SBNO2: variants seen among roughly 807,000 people sequenced by gnomAD.
SBNO2 encodes strawberry notch homolog 2, also known as protein strawberry notch homolog 2.
In SBNO2, 89 loss-of-function variants were observed where a neutral mutation model predicts 146.3. That is an observed-to-expected ratio of 0.61 (90% confidence interval 0.51 to 0.73). The LOEUF (loss-of-function observed/expected upper bound fraction) is 0.73, where lower values mean the gene tolerates loss of function less well. SBNO2 is among the 30% of genes least tolerant of loss of function. The pLI is 0.00. For synonymous variants in SBNO2, 1,147 were observed against 892.6 expected (o/e 1.29, Z -5.08); for missense variants, 2,092 against 2,003.7 (o/e 1.04, Z -0.84).
chr19:1,111,458 T>C, intron 24 of SBNO2, 48 bp downstream of exon 24: 1 of 1,331,720 alleles, frequency 7.5e-7, no homozygotes, highest in Non-Finnish European at 1.1e-6. Flanking sequence ...AGCCCAGTGC[T>C]CTGCAACCCC....
chr19:1,123,749 G>T, intron 6 of SBNO2, 110 bp from the exon 7 acceptor site: 1 of 1,194,136 alleles, frequency 8.4e-7, no homozygotes, highest in Non-Finnish European at 1.2e-6. Flanking sequence ...AGTGACCCAG[G>T]GGTGGGAGAC....
chr19:1,118,107 G>A (rs1050165493), intron 14 of SBNO2, among the ~76,000 whole-genome samples: 17 of 152,252 alleles, frequency 1.1e-4, no homozygotes, highest in South Asian at 6.2e-4. Context: ...AGGCTGAGGC[G>A]GTCAGATCGC....
chr19:1,171,371 T>C (rs866255950), intron 1 of SBNO2, among the ~76,000 whole-genome samples: 8 of 151,960 alleles, frequency 5.3e-5, no homozygotes, highest in Admixed American at 3.3e-4. Context: ...AACACACATG[T>C]GCATGCACAT....
intron 1 of SBNO2, among the ~76,000 whole-genome samples, chr19:1,160,622 T>G (rs1438594483): frequency 1.3e-5 from 2 of 152,120 alleles, no homozygotes; most frequent in Non-Finnish European, 2.9e-5. Context: ...CTTCGCCTCC[T>G]GGGTTCCAGT....
intron 1 of SBNO2, among the ~76,000 whole-genome samples, chr19:1,163,823 C>G (rs529279635): frequency 6.6e-6 from 1 of 152,168 alleles, no homozygotes; most frequent in African/African-American, 2.4e-5. Context: ...GGGCAGGAGC[C>G]GGGGTCCAGG....
chr19:1,122,756 C>T lies in SBNO2; in HGVS notation c.816G>A (p.Ala272=), dbSNP rs960813641. 1.8e-5 allele frequency: 28 copies of T among 1,537,510 alleles called. No individual in the cohort carries two copies. Among genetic ancestry groups the T allele is most frequent in the African/African-American group, 1.1e-4 (8 of 73,126 alleles). The change falls in exon 9 of 32, where the codon GCG becomes GCA. Residue 272 remains alanine (A), a synonymous_variant. Transcript: ENST00000361757. ...CGGCCCCATCGCCGATGAGAAAGCC[C>T]GCGCGCTGCCCGCTGGGGAGCAGGA... ...HEVLLPSGQR[A]GFLIGDGAGV...
rs2079793311 is a variant in SBNO2, at chr19:1,113,517, C to T, written c.2247+18G>A. ...CCATGCCCCGCCCACCACACTCCAGCTGCCACGTCCCACCCACCTCCGCCA... is the reference window on the plus strand; with the variant it reads ...CCATGCCCCGCCCACCACACTCCAGTTGCCACGTCCCACCCACCTCCGCCA... On this transcript the variant is annotated intron_variant, in intron 19 of 31. Coordinates refer to ENST00000361757, the MANE Select transcript of SBNO2 (RefSeq NM_014963.3). 1 of 1,583,116 alleles carries T rather than the reference C, an allele frequency of 6.3e-7. No individual in the cohort carries two copies. The highest frequency in any genetic ancestry group is 1.1e-5 in the South Asian group (1 of 88,494).
At chr19:1,162,289 C>A (rs1290594354) in intron 1 of SBNO2, among the ~76,000 whole-genome samples, 3 of 51,828 alleles carry the variant, frequency 5.8e-5, no homozygotes, top group Non-Finnish European at 1.2e-4. Flanking sequence ...GAAACCCCGT[C>A]TCTACTAAAA....
At position 1,112,560 on chromosome 19, in the gene SBNO2, G is replaced by A. The variant is rs752653123; in HGVS notation, c.2380-23C>T. The A allele has an allele frequency of 3.2e-6, 5 of 1,582,006 alleles. No individual in the cohort carries two copies. The South Asian group carries it at 3.4e-5, about 11-fold the overall frequency. On this transcript the variant is annotated intron_variant, in intron 20 of 31. Coordinates refer to ENST00000361757, the MANE Select transcript of SBNO2 (RefSeq NM_014963.3). This position sits in a 1 kb window ranked among gnomAD's most constrained non-coding sequence, Gnocchi z 5.9. ...GAGCTAGGGGGAAAGAAGGGGCCGG[G>A]ACACGGTTGGTGCAAGGCCCGCCCC...
chr19:1,166,937 G>C (rs1286345321), intron 1 of SBNO2, among the ~76,000 whole-genome samples: 1 of 152,192 alleles, frequency 6.6e-6, no homozygotes, highest in Non-Finnish European at 1.5e-5. Flanking sequence ...CCAGCAGCCG[G>C]GCTATGCTGA....
At chr19:1,116,755 G>T in intron 16 of SBNO2, 74 bp downstream of exon 16, 1 of 1,347,538 alleles carries the variant, frequency 7.4e-7, no homozygotes, top group Non-Finnish European at 1.0e-6. Context: ...GCAGGGTCAG[G>T]CCACAGGTGG....
chr19:1,112,705 C>T lies in SBNO2; in HGVS notation c.2379+113G>A. 1 of 1,448,252 alleles carries T rather than the reference C, an allele frequency of 6.9e-7. No homozygotes were observed. Among genetic ancestry groups the T allele is most frequent in the East Asian group, 2.5e-5 (1 of 40,120 alleles). 89.7% of individuals were successfully genotyped at this position (1,448,252 alleles called of 1,614,324 possible). ...CGCCACACGGCCACTCGCGCCCGCA[C>T]CTGGCACACACACACTCCAGAAGTG... On this transcript the variant is annotated intron_variant, in intron 20 of 31. Transcript: ENST00000361757. The surrounding 1 kb of genome is among the most constrained non-coding windows in gnomAD (Gnocchi z 5.9).
intron 4 of SBNO2, chr19:1,132,134 T>C (rs2080036231): frequency 6.6e-7 from 1 of 1,515,382 alleles, no homozygotes; most frequent in East Asian, 2.8e-5. Flanking sequence ...AGCTGGGACA[T>C]GGTCCCGGCG....
rs775932150 is a variant in SBNO2, at chr19:1,123,960, C to T, written c.504G>A (p.Pro168=). 4.3e-6 allele frequency: 7 copies of T among 1,611,724 alleles called. No individual in the cohort carries two copies. The highest frequency in any genetic ancestry group is 2.2e-5 in the East Asian group (1 of 44,866). Residue 168 remains proline (P), a synonymous_variant, in exon 6 of 32, where the codon CCG becomes CCA. Transcript: ENST00000361757. Reference sequence around the variant, plus strand: ...AGCTCACCTGGTAGCTGACGAGAAGCGGGGTGCTGTGGGAGGGCAGAAAGT... The same window carrying T: ...AGCTCACCTGGTAGCTGACGAGAAGTGGGGTGCTGTGGGAGGGCAGAAAGT... ...FEDFLPSHST[P]LLVSYQEQSV...
intron 1 of SBNO2, among the ~76,000 whole-genome samples, chr19:1,168,424 G>C (rs1046693792): frequency 1.3e-5 from 2 of 152,070 alleles, no homozygotes; most frequent in African/African-American, 4.8e-5. Flanking sequence ...TCCGGGGCTG[G>C]GCCCCTGCCC....
Position 1,116,945 on chromosome 19 carries a change from C to T in SBNO2, c.1705-19G>A, listed in dbSNP as rs777066386. The T allele has an allele frequency of 6.5e-7, 1 of 1,538,118 alleles. No individual in the cohort carries two copies. The highest frequency in any genetic ancestry group is 1.2e-5 in the South Asian group (1 of 84,282). Reference sequence around the variant, plus strand: ...CCACGCACTGTGGGACGGCAGAGGACTGTGAGCCACCAGCCCTGCTGTGGG... The same window carrying T: ...CCACGCACTGTGGGACGGCAGAGGATTGTGAGCCACCAGCCCTGCTGTGGG... On this transcript the variant is annotated intron_variant, in intron 15 of 31. Coordinates refer to ENST00000361757, the MANE Select transcript of SBNO2 (RefSeq NM_014963.3).
chr19:1,110,876 G>C lies in SBNO2; in HGVS notation c.2897C>G (p.Thr966Ser). ...CLDVEKDCSI[T>S]KFLNRILGLE... is the part of the protein sequence containing the mutation. ...CCCCAGGATGCGGTTCAGGAACTTG[G>C]TGATGGAACAGTCTGGTAGGGGAGG... Residue 966 changes from threonine to serine, a missense_variant, in exon 26 of 32, where the codon ACC becomes AGC. By Grantham distance (58) the Thr-to-Ser change is moderately conservative. Transcript: ENST00000361757. The surrounding 1 kb of genome is among the most constrained non-coding windows in gnomAD (Gnocchi z 4.9). 1.2e-6 allele frequency: 2 copies of C among 1,613,736 alleles called. No individual in the cohort carries two copies. The highest frequency in any genetic ancestry group is 8.5e-7 in the Non-Finnish European group (1 of 1,179,756).
chr19:1,154,295 G>C lies in SBNO2; in HGVS notation c.-19C>G. 1 of 1,244,468 alleles carries C rather than the reference G, an allele frequency of 8.0e-7. No homozygotes were observed. Among genetic ancestry groups the C allele is most frequent in the Non-Finnish European group, 1.0e-6 (1 of 990,998 alleles). The allele number at this position is 1,244,468 out of a possible 1,614,324, so 77.1% of individuals were successfully genotyped here. ...CAAGCATCGGGCGGCAGGCGGGGTGGGGTCCTCGGCCGGGCAGCAGGCGGC... is the reference window on the plus strand; with the variant it reads ...CAAGCATCGGGCGGCAGGCGGGGTGCGGTCCTCGGCCGGGCAGCAGGCGGC... On this transcript the variant is annotated 5_prime_UTR_variant, in exon 2 of 32. Transcript: ENST00000361757.
intron 4 of SBNO2, among the ~76,000 whole-genome samples, chr19:1,143,527 T>C (rs2080159351): frequency 6.6e-6 from 1 of 152,308 alleles, no homozygotes; most frequent in South Asian, 2.1e-4. Context: ...CCTCTCACAG[T>C]CTGGAGGGCA....
Sources: allele counts gnomAD v4.1 joint callset (sites outside exome capture counted in the v4.1 genomes callset), GRCh38; gene constraint gnomAD v4.1.1; non-coding constraint Gnocchi (gnomAD v3.1); transcripts MANE v1.5; gene names NCBI Gene and HGNC (gene_info 2026-07-23, HGNC 2026-07-21).